The following CUX1 variants were observed in gnomAD, a reference collection of about 807,000 sequenced individuals.
CUX1 encodes cut like homeobox 1, also known as protein CASP.
CUX1 carries 31 observed loss-of-function variants against 158.8 expected under a neutral mutation model. That is an observed-to-expected ratio of 0.20 (90% CI 0.15 to 0.26). CUX1 has a LOEUF of 0.26. Among genes scored for constraint, CUX1 ranks in the 10% least tolerant of loss-of-function variants. The pLI is 1.00. For missense variants in CUX1, 1,589 were observed against 2,014.6 expected (o/e 0.79, Z 4.04); for synonymous variants, 879 against 862.1 (o/e 1.02, Z -0.34).
intron 8 of CUX1, chr7:102,115,544 A>G (rs1278216413): frequency 2.9e-6 from 1 of 347,196 alleles, no homozygotes; most frequent in Non-Finnish European, 5.1e-6. Context: ...GATGTGACAC[A>G]TGGGACATTT....
intron 3 of CUX1, among the ~76,000 whole-genome samples, chr7:102,055,305 A>T (rs906495631): frequency 2.0e-5 from 3 of 152,058 alleles, no homozygotes; most frequent in Admixed American, 6.6e-5. Flanking sequence ...ATTGAGCTCC[A>T]CTTTTTTATG....
Position 102,098,807 on chromosome 7 carries a change from A to ATTTTT in CUX1, c.406+1334_406+1338dup, listed in dbSNP as rs112048598. Among the ~76,000 whole-genome samples the ATTTTT allele has an allele frequency of 8.8e-5, 6 of 67,968 alleles. 1 individual carries two copies. Among genetic ancestry groups the ATTTTT allele is most frequent in the African/African-American group, 2.8e-4 (4 of 14,108 alleles). 44.6% of individuals were successfully genotyped at this position (67,968 alleles called of 152,430 possible). A position where few individuals can be genotyped will look rare whatever the true frequency, so the allele number is the denominator to read the frequency against. On this transcript the variant is annotated intron_variant, in intron 5 of 23. Transcript: ENST00000292535. ...AGGAGCCCGCCACCACGCCCAACTA[A>ATTTTT]TTTTTTTTTTTTTTTTTTTTTTTTT... is the stretch of plus-strand genomic sequence containing the variant.
chr7:102,151,849 G>A (rs140120807), intron 8 of CUX1, among the ~76,000 whole-genome samples: 19 of 147,572 alleles, frequency 1.3e-4, no homozygotes, highest in African/African-American at 3.3e-4. Flanking sequence ...CAAAGCCCCC[G>A]ATCGCACTTA....
chr7:102,146,327 G>A (rs1017264895), intron 8 of CUX1, among the ~76,000 whole-genome samples: 1 of 152,168 alleles, frequency 6.6e-6, no homozygotes, highest in Non-Finnish European at 1.5e-5. Flanking sequence ...TCCCGATCAC[G>A]CTGGGGTCAC....
upstream of CUX1, chr7:101,816,191 G>A (rs1191288206): frequency 4.7e-6 from 2 of 426,178 alleles, no homozygotes; most frequent in African/African-American, 2.2e-5. Flanking sequence ...CCGCCGGGGG[G>A]CCCGCGGCGG....
rs745939391 is a variant in CUX1 at position 101,916,272 on chromosome 7, C to T, written c.141+47C>T. 2 of 1,221,306 alleles carry T rather than the reference C, an allele frequency of 1.6e-6. No homozygotes were observed. Among genetic ancestry groups the T allele is most frequent in the South Asian group, 2.4e-5 (2 of 83,036 alleles). The allele number at this position is 1,221,306 out of a possible 1,614,324, so 75.7% of individuals were successfully genotyped here. ...TTCGCTTTGAAGGGATCTTAGAATG[C>T]TGGTGCATGTTCAGGCGACGCTCCG... On this transcript the variant is annotated intron_variant, in intron 2 of 23. Coordinates refer to ENST00000292535, the MANE Select transcript of CUX1 (RefSeq NM_181552.4). The surrounding 1 kb of genome is among the most constrained non-coding windows in gnomAD (Gnocchi z 4.4).
chr7:102,274,994 C>T (rs1292622573), intron 16 of CUX1, among the ~76,000 whole-genome samples: 1 of 152,166 alleles, frequency 6.6e-6, no homozygotes, highest in Non-Finnish European at 1.5e-5. Context: ...ACAGCGCAGA[C>T]GGGGGTGCTG....
intron 2 of CUX1, among the ~76,000 whole-genome samples, chr7:101,976,900 A>ATTTTTTTTTTTTTTTTTTTTTT (rs10643207): frequency 1.3e-4 from 5 of 39,460 alleles, no homozygotes; most frequent in Non-Finnish European, 1.7e-4. Flanking sequence ...TCCCTTTCTG[A>ATTTTTTTTTTTTTTTTTTTTTT]TTTTTTTTTT....
At chr7:101,950,030 CAG>C (rs572255538) in intron 2 of CUX1, among the ~76,000 whole-genome samples, 241 of 152,304 alleles carry the variant, frequency 1.6e-3, no homozygotes, top group African/African-American at 5.5e-3. Flanking sequence ...TTCTTTGAGA[CAG>C]AGTCTCACCC....
intron 1 of CUX1, among the ~76,000 whole-genome samples, chr7:101,894,529 C>G (rs775465237): frequency 3.9e-5 from 6 of 152,156 alleles, no homozygotes; most frequent in Non-Finnish European, 8.8e-5. Context: ...CCAGGCTGGT[C>G]TCAAACTCCT....
In CUX1 at chr7:102,256,344, T is replaced by C. The variant is rs1297126044; in HGVS notation, c.*7302T>C. 5.1e-6 allele frequency: 5 copies of C among 984,710 alleles called. No individual in the cohort carries two copies. The African/African-American group carries it at 8.7e-5, about 17-fold the overall frequency. The allele number at this position is 984,710 out of a possible 1,614,324, so 61.0% of individuals were successfully genotyped here. A position where few individuals can be genotyped will look rare whatever the true frequency, so the allele number is the denominator to read the frequency against. The stretch of plus-strand genomic sequence containing the variant: ...AAAAAATTATTTCTATCCTCTTCTA[T>C]TTATTATTAGGTTAATCATTTAAGT... On this transcript the variant is annotated 3_prime_UTR_variant, in exon 24 of 24. Coordinates refer to ENST00000292535, the MANE Select transcript of CUX1 (RefSeq NM_181552.4).
chr7:101,952,722 C>T (rs1264427588), intron 2 of CUX1, among the ~76,000 whole-genome samples: 5 of 152,226 alleles, frequency 3.3e-5, no homozygotes, highest in Non-Finnish European at 7.3e-5. Flanking sequence ...TCTGCCGCCA[C>T]CTTCTCCCCC....
In CUX1 at chr7:102,216,853, TCA is replaced by T. The variant is rs1275561092; in HGVS notation, c.3131-10505_3131-10504del. 5.7e-5 allele frequency among the ~76,000 whole-genome samples: 8 copies of T among 140,214 alleles called. No individual in the cohort carries two copies. In the South Asian group the frequency reaches 7.2e-4, roughly 13 times the overall value. The allele number at this position is 140,214 out of a possible 152,430, so 92.0% of individuals were successfully genotyped here. A position where few individuals can be genotyped will look rare whatever the true frequency, so the allele number is the denominator to read the frequency against. On this transcript the variant is annotated intron_variant, in intron 20 of 23. Coordinates refer to ENST00000292535, the MANE Select transcript of CUX1 (RefSeq NM_181552.4). ...CACACACACACACATTCTCTCTCCC[TCA>T]CACACACATTCTCTCACACACACAT...
At chr7:101,847,551 G>A (rs547257277) in intron 1 of CUX1, among the ~76,000 whole-genome samples, 4 of 152,108 alleles carry the variant, frequency 2.6e-5, no homozygotes, top group Non-Finnish European at 5.9e-5. Context: ...ACTATTTACT[G>A]TGTAGAGGAT....
Position 102,252,930 on chromosome 7 carries a change from G to T in CUX1, c.*3888G>T. On this transcript the variant is annotated 3_prime_UTR_variant, in exon 24 of 24. Transcript: ENST00000292535. ...AAGCGTCTCCTGGGACAGGATTGGG[G>T]TGACAGCCCAGGGATGCATGCATGG... 1 of 985,468 alleles carries T rather than the reference G, an allele frequency of 1.0e-6. No homozygotes were observed. Among genetic ancestry groups the T allele is most frequent in the Non-Finnish European group, 1.2e-6 (1 of 829,958 alleles). 61.0% of individuals were successfully genotyped at this position (985,468 alleles called of 1,614,324 possible).
intron 1 of CUX1, among the ~76,000 whole-genome samples, chr7:101,879,651 C>T (rs1020249069): frequency 2.0e-5 from 3 of 152,230 alleles, no homozygotes; most frequent in East Asian, 1.9e-4. Flanking sequence ...TGGGCTCTCC[C>T]GGCTGGCCCA....
At chr7:101,985,157 G>T (rs952463881) in intron 2 of CUX1, among the ~76,000 whole-genome samples, 1 of 152,226 alleles carries the variant, frequency 6.6e-6, no homozygotes, top group South Asian at 2.1e-4. Flanking sequence ...TCTGAGGATT[G>T]TAATACCGAG....
intron 4 of CUX1, among the ~76,000 whole-genome samples, chr7:102,084,893 A>G (rs1585595283): frequency 1.0e-5 from 1 of 99,068 alleles, no homozygotes; most frequent in Admixed American, 1.6e-4. Flanking sequence ...GGCACTTGCT[A>G]CCTGTATAAA....
chr7:102,165,440 C>T (rs975826290), intron 9 of CUX1, among the ~76,000 whole-genome samples: 2 of 151,420 alleles, frequency 1.3e-5, no homozygotes, highest in Non-Finnish European at 2.9e-5. Flanking sequence ...GCACCCTCCC[C>T]CTCCCAGATT....
Sources: gnomAD v4.1 joint callset for allele counts (sites outside exome capture counted in the v4.1 genomes callset) on GRCh38, gnomAD v4.1.1 for gene constraint, Gnocchi (gnomAD v3.1) non-coding constraint, MANE v1.5 for transcripts, NCBI Gene and HGNC (gene_info 2026-07-23, HGNC 2026-07-21) for gene names.